Variants in HTR2C observed in about 807,000 individuals in gnomAD.
HTR2C encodes 5-hydroxytryptamine receptor 2C.
HTR2C carries 5 observed loss-of-function variants against 21.0 expected under a neutral mutation model. The observed-to-expected ratio is 0.24, with a 90% CI of 0.12 to 0.50. HTR2C has a LOEUF of 0.50. Among genes scored for constraint, HTR2C ranks in the 20% least tolerant of loss-of-function variants. HTR2C has a pLI of 0.98. For synonymous variants in HTR2C, 150 were observed against 145.3 expected (o/e 1.03, Z -0.23); for missense variants, 271 against 371.2 (o/e 0.73, Z 2.22).
Position 114,726,220 on chromosome X carries a change from C to T in HTR2C, c.-79-638C>T, listed in dbSNP as rs782258214. Among the ~76,000 whole-genome samples, 417 of 112,361 alleles carry T rather than the reference C, an allele frequency of 3.7e-3. 1 individual carries two copies. Among genetic ancestry groups the T allele is most frequent in the Non-Finnish European group, 5.3e-3 (281 of 53,226 alleles). ...AGGTGCAGGATATAATCTCCTGGTGCGCCGTTTTTTAAGCCTGTTGGAAAA... is the reference window on the plus strand; with the variant it reads ...AGGTGCAGGATATAATCTCCTGGTGTGCCGTTTTTTAAGCCTGTTGGAAAA... On this transcript the variant is annotated intron_variant, in intron 2 of 5. Transcript: ENST00000276198.
chrX:114,644,039 G>T (rs1010928454), intron 2 of HTR2C, among the ~76,000 whole-genome samples: 19 of 109,364 alleles, frequency 1.7e-4, no homozygotes, highest in Admixed American at 8.9e-4. Flanking sequence ...CTTGTTTTAG[G>T]ATTAGATACA....
chrX:114,706,617 G>A (rs1932774715), intron 2 of HTR2C, among the ~76,000 whole-genome samples: 2 of 99,773 alleles, frequency 2.0e-5, no homozygotes, highest in Admixed American at 1.1e-4. Flanking sequence ...GCTAAATGAC[G>A]AGTTAATGGG....
At chrX:114,701,724 G>A (rs1307170178) in intron 2 of HTR2C, among the ~76,000 whole-genome samples, 3 of 112,457 alleles carry the variant, frequency 2.7e-5, no homozygotes, top group Non-Finnish European at 3.8e-5. Context: ...TGACCTTGAC[G>A]AGTTGAGAGA....
At chrX:114,783,183 CAAAAT>C (rs1352599052) in intron 4 of HTR2C, among the ~76,000 whole-genome samples, 1 of 111,144 alleles carries the variant, frequency 9.0e-6, no homozygotes, top group African/African-American at 3.3e-5. Context: ...AATAACAAGA[CAAAAT>C]GAAATAAGAC....
intron 2 of HTR2C, among the ~76,000 whole-genome samples, chrX:114,620,059 T>A (rs1929098323): frequency 1.8e-5 from 2 of 111,837 alleles, no homozygotes; most frequent in South Asian, 3.7e-4. Context: ...CAGAGGATAT[T>A]TTTCTACCTT....
chrX:114,637,941 A>T (rs782746246), intron 2 of HTR2C, among the ~76,000 whole-genome samples: 9 of 111,603 alleles, frequency 8.1e-5, no homozygotes, highest in Non-Finnish European at 1.5e-4. Flanking sequence ...GACCTACAAG[A>T]TGGTGGGTAT....
At chrX:114,690,003 A>AT (rs1932059776) in intron 2 of HTR2C, among the ~76,000 whole-genome samples, 1 of 111,375 alleles carries the variant, frequency 9.0e-6, no homozygotes, top group East Asian at 2.8e-4. Context: ...GACACACTTC[A>AT]TTTTTTCAAT....
intron 5 of HTR2C, among the ~76,000 whole-genome samples, chrX:114,883,049 G>T (rs2071193822): frequency 9.1e-6 from 1 of 109,826 alleles, no homozygotes; most frequent in South Asian, 3.8e-4. Context: ...TGTTTACTTG[G>T]TATACGTCCA....
At chrX:114,674,666 TA>T (rs2147850777) in intron 2 of HTR2C, among the ~76,000 whole-genome samples, 1 of 111,844 alleles carries the variant, frequency 8.9e-6, no homozygotes, top group Non-Finnish European at 1.9e-5. Flanking sequence ...CATAGTGTCT[TA>T]AAAAATTATA....
intron 4 of HTR2C, among the ~76,000 whole-genome samples, chrX:114,794,724 G>A (rs1407380014): frequency 1.2e-4 from 13 of 108,960 alleles, no homozygotes; most frequent in African/African-American, 3.0e-4. Context: ...TTTTATGGCT[G>A]CATAGTATTC....
chrX:114,763,584 T>C (rs2069904355), intron 4 of HTR2C, among the ~76,000 whole-genome samples: 1 of 111,647 alleles, frequency 9.0e-6, no homozygotes, highest in Non-Finnish European at 1.9e-5. Context: ...TCCACAGGGC[T>C]GATCTTGAGT....
chrX:114,698,861 T>C (rs782055408), intron 2 of HTR2C, among the ~76,000 whole-genome samples: 12 of 111,909 alleles, frequency 1.1e-4, no homozygotes, highest in East Asian at 2.8e-4. Flanking sequence ...AGGAATTCAA[T>C]TGGTACTCAC....
chrX:114,640,098 GAC>G (rs1262365417), intron 2 of HTR2C, among the ~76,000 whole-genome samples: 2 of 110,614 alleles, frequency 1.8e-5, no homozygotes, highest in Non-Finnish European at 3.8e-5. Flanking sequence ...TTTTTTGTTC[GAC>G]ACATATTTAT....
intron 2 of HTR2C, among the ~76,000 whole-genome samples, chrX:114,688,417 CACT>C (rs1308725378): frequency 9.0e-6 from 1 of 110,681 alleles, no homozygotes; most frequent in South Asian, 3.8e-4. Flanking sequence ...CAGCGCACAC[CACT>C]ATGTAGAAAA....
intron 2 of HTR2C, among the ~76,000 whole-genome samples, chrX:114,696,372 A>G (rs1932276264): frequency 9.0e-6 from 1 of 111,678 alleles, no homozygotes; most frequent in Non-Finnish European, 1.9e-5. Flanking sequence ...TATATAATCA[A>G]TAGCATGTAC....
intron 2 of HTR2C, among the ~76,000 whole-genome samples, chrX:114,631,335 G>A (rs1556404276): frequency 9.2e-6 from 1 of 108,968 alleles, no homozygotes; most frequent in African/African-American, 3.3e-5. Context: ...GACTATGTCC[G>A]TACCAGGTTA....
intron 2 of HTR2C, among the ~76,000 whole-genome samples, chrX:114,700,441 G>A (rs781979474): frequency 1.3e-4 from 15 of 111,545 alleles, no homozygotes; most frequent in South Asian, 3.8e-4. Flanking sequence ...TCAATATAAT[G>A]GCTTTAAATG....
chrX:114,804,786 A>G (rs1443972709), intron 4 of HTR2C, among the ~76,000 whole-genome samples: 1 of 111,449 alleles, frequency 9.0e-6, no homozygotes, highest in Non-Finnish European at 1.9e-5. Flanking sequence ...TTCAAAAACT[A>G]TTGAAGTCCT....
At chrX:114,719,863 C>T (rs1403137066) in intron 2 of HTR2C, among the ~76,000 whole-genome samples, 2 of 111,309 alleles carry the variant, frequency 1.8e-5, no homozygotes, top group African/African-American at 6.5e-5. Flanking sequence ...TAATAAAGTG[C>T]TTCATGAGAT....
Sources: gnomAD v4.1 joint callset for allele counts (sites outside exome capture counted in the v4.1 genomes callset) on GRCh38, gnomAD v4.1.1 for gene constraint, MANE v1.5 for transcripts, NCBI Gene and HGNC (gene_info 2026-07-23, HGNC 2026-07-21) for gene names.